PDE10A: variants seen among roughly 807,000 people sequenced by gnomAD.
PDE10A encodes cAMP and cAMP-inhibited cGMP 3',5'-cyclic phosphodiesterase 10A.
In PDE10A, 39 loss-of-function variants were observed where a neutral mutation model predicts 97.7. The ratio of observed to expected loss-of-function variants is 0.40; its 90% CI spans 0.31 to 0.52. PDE10A has a LOEUF of 0.52. Among genes scored for constraint, PDE10A ranks in the 20% least tolerant of loss-of-function variants. The pLI, the probability that PDE10A is intolerant of heterozygous loss-of-function variation, is 0.56. For synonymous variants in PDE10A, 371 were observed against 376.8 expected (o/e 0.98, Z 0.18); for missense variants, 731 against 1,047.8 (o/e 0.70, Z 4.17).
intron 1 of PDE10A, among the ~76,000 whole-genome samples, chr6:165,682,381 G>A (rs1259310604): frequency 3.9e-5 from 6 of 152,036 alleles, no homozygotes; most frequent in Non-Finnish European, 5.9e-5. Flanking sequence ...CAATCCACCC[G>A]CCTCAGCTTC....
intron 1 of PDE10A, among the ~76,000 whole-genome samples, chr6:165,825,710 T>C (rs994275249): frequency 8.5e-5 from 13 of 152,204 alleles, no homozygotes. Context: ...CCATGGCTCC[T>C]GTGCCTTGGG....
chr6:165,526,881 C>T (rs1345295869), intron 2 of PDE10A, among the ~76,000 whole-genome samples: 1 of 152,212 alleles, frequency 6.6e-6, no homozygotes, highest in Non-Finnish European at 1.5e-5. Context: ...GAGTATATCA[C>T]CTCTCCGGCT....
chr6:165,677,559 G>A lies in PDE10A; in HGVS notation c.-614-133991C>T, dbSNP rs528643012. Among the ~76,000 whole-genome samples, 11 of 152,250 alleles carry A rather than the reference G, an allele frequency of 7.2e-5. No homozygotes were observed. The East Asian group carries it at 1.5e-3, about 21-fold the overall frequency. ...TCCTAAAAAATGCAGTATTTACATA[G>A]CGTTTACATCGTATTAGGTATTATA... is the stretch of plus-strand genomic sequence containing the variant. On this transcript the variant is annotated intron_variant, in intron 1 of 19. Coordinates refer to the PDE10A transcript ENST00000366882.
intron 1 of PDE10A, among the ~76,000 whole-genome samples, chr6:165,803,812 G>A (rs922644587): frequency 2.0e-5 from 3 of 152,164 alleles, no homozygotes; most frequent in African/African-American, 7.2e-5. Flanking sequence ...CATACATGCA[G>A]GCACAGTTAG....
rs1583745307 is a variant in PDE10A at position 165,662,619 on chromosome 6, G to A, written c.193C>T (p.Pro65Ser). 2 of 144,200 alleles carry A rather than the reference G, an allele frequency of 1.4e-5. No homozygotes were observed. The highest frequency in any genetic ancestry group is 6.8e-5 in the Admixed American group (1 of 14,632). 8.9% of individuals were successfully genotyped at this position (144,200 alleles called of 1,614,324 possible). Reference protein sequence around the residue: ...GRGRAERAAPPRPPLSSAGRP... With the variant: ...GRGRAERAAPSRPPLSSAGRP... The stretch of plus-strand genomic sequence containing the variant: ...CCTGCGGAGGAGAGGGGCGGGCGCG[G>A]GGGCGCGGCGCGCTCCGCCCGGCCA... The change falls in exon 1 of 22, where the codon CCG (proline) becomes TCG (serine). Residue 65 changes from proline (P) to serine (S), a missense_variant. Physicochemically the swap from Pro to Ser is moderately conservative, Grantham distance 74. Coordinates refer to ENST00000539869, the MANE Select transcript of PDE10A (RefSeq NM_001385079.1).
At chr6:165,681,612 G>T (rs1232298012) in intron 1 of PDE10A, among the ~76,000 whole-genome samples, 2 of 152,156 alleles carry the variant, frequency 1.3e-5, no homozygotes, top group East Asian at 3.8e-4. Flanking sequence ...CTTCTTTGAA[G>T]CCATAAAGGA....
Position 165,392,714 on chromosome 6 carries a change from C to T in PDE10A, c.2386G>A (p.Ala796Thr). 6.2e-7 allele frequency: 1 copy of T among 1,613,906 alleles called. No individual in the cohort carries two copies. Among genetic ancestry groups the T allele is most frequent in the East Asian group, 2.2e-5 (1 of 44,874 alleles). Residue 796 changes from alanine to threonine, a missense_variant, in exon 16 of 22, where the codon GCG (alanine) becomes ACG (threonine). Transcript: ENST00000539869. ...TACATGCAGTGTGCTACAGTGACCG[C>T]ATGCTTCCAGTTGTGATAAGGAACC... The part of the protein sequence containing the change: ...RRVPYHNWKH[A>T]VTVAHCMYAI...
chr6:165,630,118 C>T (rs1472747370), intron 1 of PDE10A, among the ~76,000 whole-genome samples: 3 of 152,022 alleles, frequency 2.0e-5, no homozygotes, highest in Admixed American at 6.6e-5. Flanking sequence ...GAGGCTGAGA[C>T]GGGTGAACTG....
At chr6:165,444,124 C>T (rs1790672239) in intron 5 of PDE10A, among the ~76,000 whole-genome samples, 1 of 152,164 alleles carries the variant, frequency 6.6e-6, no homozygotes, top group Admixed American at 6.5e-5. Context: ...GCAGCCAGGC[C>T]TCATCTCCAT....
intron 18 of PDE10A, 34 bp downstream of exon 18, chr6:165,379,160 T>C (rs764997158): frequency 7.0e-7 from 1 of 1,427,072 alleles, no homozygotes; most frequent in Non-Finnish European, 9.7e-7. Flanking sequence ...GATAACACTT[T>C]CTGGGCTTCT....
intron 1 of PDE10A, among the ~76,000 whole-genome samples, chr6:165,822,500 C>T (rs1779601817): frequency 6.6e-6 from 1 of 152,194 alleles, no homozygotes; most frequent in Non-Finnish European, 1.5e-5. Context: ...GCCCATTGCT[C>T]CCAGGCTGCA....
chr6:165,952,620 T>C (rs956050162), intron 1 of PDE10A, among the ~76,000 whole-genome samples: 1 of 152,206 alleles, frequency 6.6e-6, no homozygotes, highest in African/African-American at 2.4e-5. Context: ...CTAAGAAATC[T>C]GGGAGAGGCA....
At chr6:165,785,366 T>C (rs548015540) in intron 1 of PDE10A, among the ~76,000 whole-genome samples, 1 of 152,362 alleles carries the variant, frequency 6.6e-6, no homozygotes, top group Non-Finnish European at 1.5e-5. Flanking sequence ...GACTAATATC[T>C]GAATGCTCTT....
At chr6:165,396,740 G>A (rs1207503703) in intron 13 of PDE10A, among the ~76,000 whole-genome samples, 1 of 152,066 alleles carries the variant, frequency 6.6e-6, no homozygotes, top group African/African-American at 2.4e-5. Context: ...TCCTTAAAAT[G>A]CTCTGTATTT....
At chr6:165,763,062 C>T (rs1793290148) in intron 1 of PDE10A, among the ~76,000 whole-genome samples, 1 of 152,216 alleles carries the variant, frequency 6.6e-6, no homozygotes, top group Admixed American at 6.5e-5. Context: ...TTGTGTGATT[C>T]ACTGACCCAT....
At chr6:165,634,764 T>C (rs532424799) in intron 1 of PDE10A, among the ~76,000 whole-genome samples, 1 of 152,294 alleles carries the variant, frequency 6.6e-6, no homozygotes, top group East Asian at 1.9e-4. Flanking sequence ...TAACCACTTG[T>C]TCTGGAAAAA....
At chr6:165,765,377 C>G (rs6456011) in intron 1 of PDE10A, among the ~76,000 whole-genome samples, 111,539 of 137,370 alleles carry the variant, frequency 0.81, 44,050 homozygotes, top group Admixed American at 0.85. Context: ...CAGGAGCCCA[C>G]GGAGGCGGGG....
chr6:165,693,705 C>T (rs980777352), intron 1 of PDE10A, among the ~76,000 whole-genome samples: 5 of 152,024 alleles, frequency 3.3e-5, no homozygotes, highest in African/African-American at 4.8e-5. Flanking sequence ...TTTACTTGAA[C>T]GATGTTCCCC....
intron 1 of PDE10A, among the ~76,000 whole-genome samples, chr6:165,672,917 G>A (rs1223731967): frequency 6.6e-6 from 1 of 152,158 alleles, no homozygotes; most frequent in Non-Finnish European, 1.5e-5. Flanking sequence ...ATCATAAGTT[G>A]GGAACCATTT....
Sources: allele counts gnomAD v4.1 joint callset (sites outside exome capture counted in the v4.1 genomes callset), GRCh38; gene constraint gnomAD v4.1.1; transcripts MANE v1.5; gene names NCBI Gene and HGNC (gene_info 2026-07-23, HGNC 2026-07-21).